Variants in RASSF9 observed in about 807,000 individuals in gnomAD.
The protein encoded by RASSF9 is ras association domain-containing protein 9.
RASSF9 carries 18 observed loss-of-function variants against 21.4 expected under a neutral mutation model. The observed-to-expected ratio is 0.84, with a 90% CI of 0.58 to 1.25. The LOEUF is 1.25. Ranked by LOEUF, RASSF9 falls within the 50% of genes most tolerant of loss-of-function variation. The pLI, the probability that RASSF9 is intolerant of heterozygous loss-of-function variation, is 0.00. For synonymous variants in RASSF9, 183 were observed against 179.1 expected (o/e 1.02, Z -0.18); for missense variants, 480 against 503.2 (o/e 0.95, Z 0.44).
intron 1 of RASSF9, among the ~76,000 whole-genome samples, chr12:85,832,729 T>C (rs955162778): frequency 6.6e-6 from 1 of 151,956 alleles, no homozygotes; most frequent in Admixed American, 6.6e-5. Context: ...CAAACATTTG[T>C]ATTCTTCATG....
At chr12:85,830,937 G>A (rs945345789) in intron 1 of RASSF9, among the ~76,000 whole-genome samples, 1 of 152,122 alleles carries the variant, frequency 6.6e-6, no homozygotes, top group Admixed American at 6.6e-5. Flanking sequence ...TTTTGCCAAT[G>A]TTGTGTTTGG....
rs550186341 is a variant in RASSF9, at chr12:85,836,308, T to G, written c.-107A>C. ...AGGGAGGAGGGCTGGAAGCTTTCTC[T>G]TCTCCTCGGATGTTCCTGGCTTTCA... On this transcript the variant is annotated 5_prime_UTR_variant, in exon 1 of 2. Coordinates refer to ENST00000361228, the MANE Select transcript of RASSF9 (RefSeq NM_005447.4). 5.9e-6 allele frequency: 9 copies of G among 1,534,748 alleles called. No individual in the cohort carries two copies. In the South Asian group the frequency reaches 8.4e-5, roughly 14 times the overall value.
chr12:85,803,190 A>G lies in RASSF9; in HGVS notation c.*1512T>C, dbSNP rs1366150269. On this transcript the variant is annotated 3_prime_UTR_variant, in exon 2 of 2. Transcript: ENST00000361228. Reference sequence around the variant, plus strand: ...TGCTTTAAAAAATTAAATACTTTTCAAATTTTGAAAGTAAAACAATAAGAA... The same window carrying G: ...TGCTTTAAAAAATTAAATACTTTTCGAATTTTGAAAGTAAAACAATAAGAA... 6.6e-6 allele frequency: 1 copy of G among 152,160 alleles called. No individual in the cohort carries two copies. The highest frequency in any genetic ancestry group is 1.5e-5 in the Non-Finnish European group (1 of 68,016). 9.4% of individuals were successfully genotyped at this position (152,160 alleles called of 1,614,324 possible). A position where few individuals can be genotyped will look rare whatever the true frequency, so the allele number is the denominator to read the frequency against.
At chr12:85,831,189 G>T (rs1161031492) in intron 1 of RASSF9, among the ~76,000 whole-genome samples, 1 of 151,956 alleles carries the variant, frequency 6.6e-6, no homozygotes, top group Non-Finnish European at 1.5e-5. Flanking sequence ...AAAGAATAGA[G>T]CCACATATTT....
rs2136546511 is a variant in RASSF9, at chr12:85,801,503, T to C, written c.*3199A>G. On this transcript the variant is annotated 3_prime_UTR_variant, in exon 2 of 2. Transcript: ENST00000361228. ...GAAAGAGTAAGGCTAACAAGACAGA[T>C]GATAAAGTAATTTAATAAGAATTCA... The C allele has an allele frequency of 6.6e-6, 1 of 152,114 alleles. No homozygotes were observed. The highest frequency in any genetic ancestry group is 1.9e-4 in the East Asian group (1 of 5,172). The allele number at this position is 152,114 out of a possible 1,614,324, so 9.4% of individuals were successfully genotyped here.
At chr12:85,833,017 C>T (rs1880483083) in intron 1 of RASSF9, among the ~76,000 whole-genome samples, 1 of 151,668 alleles carries the variant, frequency 6.6e-6, no homozygotes, top group East Asian at 1.9e-4. Flanking sequence ...ACTTTTTAGG[C>T]TTTATATTTA....
chr12:85,808,884 C>T (rs933167144), intron 1 of RASSF9, among the ~76,000 whole-genome samples: 8 of 151,916 alleles, frequency 5.3e-5, no homozygotes, highest in African/African-American at 1.9e-4. Flanking sequence ...TATGTTAAAA[C>T]TAAGGACAAA....
At chr12:85,820,968 AC>A (rs1420036120) in intron 1 of RASSF9, among the ~76,000 whole-genome samples, 1 of 152,008 alleles carries the variant, frequency 6.6e-6, no homozygotes, top group African/African-American at 2.4e-5. Context: ...ACATGGTGAA[AC>A]CCTGTCTCTA....
rs372301252 is a variant in RASSF9, at chr12:85,815,380, T to C, written c.48-9418A>G. Among the ~76,000 whole-genome samples, 152 of 152,264 alleles carry C rather than the reference T, an allele frequency of 1.0e-3. 2 individuals are homozygous for C. Among genetic ancestry groups the C allele is most frequent in the African/African-American group, 3.3e-3 (137 of 41,590 alleles). On this transcript the variant is annotated intron_variant, in intron 1 of 1. Transcript: ENST00000361228. Reference sequence around the variant, plus strand: ...CATGTGAATTGGTGACATGCATTATTCTAAACAAAAATATGGTTATTTGTG... The same window carrying C: ...CATGTGAATTGGTGACATGCATTATCCTAAACAAAAATATGGTTATTTGTG...
chr12:85,828,845 C>T (rs1400782341), intron 1 of RASSF9, among the ~76,000 whole-genome samples: 1 of 152,070 alleles, frequency 6.6e-6, no homozygotes, highest in Non-Finnish European at 1.5e-5. Flanking sequence ...AGTGTTTTTA[C>T]TAATCATGTA....
chr12:85,815,009 AGTT>A (rs1160154630), intron 1 of RASSF9, among the ~76,000 whole-genome samples: 3 of 152,030 alleles, frequency 2.0e-5, no homozygotes, highest in Admixed American at 1.3e-4. Context: ...CCCTCCTTGA[AGTT>A]GTTATTTCTG....
At chr12:85,819,166 T>C (rs1016734776) in intron 1 of RASSF9, among the ~76,000 whole-genome samples, 2 of 151,950 alleles carry the variant, frequency 1.3e-5, no homozygotes, top group Non-Finnish European at 2.9e-5. Flanking sequence ...GCATGTTTGA[T>C]TACTGGCTTT....
At position 85,805,547 on chromosome 12, in the gene RASSF9, C is replaced by G. The variant is rs369392392; in HGVS notation, c.463G>C (p.Asp155His). 2 of 1,613,700 alleles carry G rather than the reference C, an allele frequency of 1.2e-6. No individual in the cohort carries two copies. Among genetic ancestry groups the G allele is most frequent in the South Asian group, 1.1e-5 (1 of 91,062 alleles). ...PANYMKTLPP[D>H]KQKRIVRKTF... ...TTCCTGACTATTCTTTTTTGTTTAT[C>G]TGGTGGTAAAGTCTTCATGTAGTTT... The change falls in exon 2 of 2, where the codon GAT (aspartate) becomes CAT (histidine). Residue 155 changes from aspartate to histidine, a missense_variant. Asp to His is a moderately conservative substitution (Grantham distance 81). Transcript: ENST00000361228.
At chr12:85,833,516 A>C (rs1023343249) in intron 1 of RASSF9, among the ~76,000 whole-genome samples, 2 of 151,984 alleles carry the variant, frequency 1.3e-5, no homozygotes, top group African/African-American at 4.8e-5. Flanking sequence ...ATTTATTATA[A>C]GCACATTTAT....
At chr12:85,818,058 T>C (rs1411131553) in intron 1 of RASSF9, among the ~76,000 whole-genome samples, 1 of 152,198 alleles carries the variant, frequency 6.6e-6, no homozygotes, top group Non-Finnish European at 1.5e-5. Flanking sequence ...CTATTCAAAC[T>C]GTGCCTTAAC....
rs774418396 is a variant in RASSF9 at position 85,805,323 on chromosome 12, G to T, written c.687C>A (p.Asn229Lys). ...HLDRVENDGENYVQDAYLMPS... is the reference protein window; with the variant it reads ...HLDRVENDGEKYVQDAYLMPS... The stretch of plus-strand genomic sequence containing the variant: ...GCATTAAATATGCATCCTGAACATA[G>T]TTTTCTCCATCATTTTCTACTCGAT... Residue 229 changes from asparagine to lysine, a missense_variant, in exon 2 of 2, where the codon AAC becomes AAA. Transcript: ENST00000361228. The T allele has an allele frequency of 1.2e-6, 2 of 1,613,466 alleles. No individual in the cohort carries two copies. Among genetic ancestry groups the T allele is most frequent in the Admixed American group, 3.3e-5 (2 of 60,008 alleles).
chr12:85,817,352 T>G (rs1454886168), intron 1 of RASSF9, among the ~76,000 whole-genome samples: 1 of 152,100 alleles, frequency 6.6e-6, no homozygotes, highest in Non-Finnish European at 1.5e-5. Context: ...CACGAATCAG[T>G]TATTAGAGTG....
chr12:85,805,028 C>A lies in RASSF9; in HGVS notation c.982G>T (p.Ala328Ser), dbSNP rs767370219. 6.2e-7 allele frequency: 1 copy of A among 1,613,978 alleles called. No individual in the cohort carries two copies. Among genetic ancestry groups the A allele is most frequent in the South Asian group, 1.1e-5 (1 of 91,084 alleles). Residue 328 changes from alanine (A) to serine (S), a missense_variant, in exon 2 of 2, where the codon GCT becomes TCT. Physicochemically the swap from Ala to Ser is moderately conservative, Grantham distance 99 (BLOSUM62 1). Transcript: ENST00000361228. ...VKCDLEKSMK[A>S]GLKIHSHLSG... ...AAATGAGAGTGAATTTTCAAACCAG[C>A]TTTCATGCTTTTCTCCAAATCACAC...
intron 1 of RASSF9, among the ~76,000 whole-genome samples, chr12:85,818,945 C>T (rs1248765862): frequency 4.3e-5 from 5 of 116,106 alleles, no homozygotes; most frequent in East Asian, 2.4e-4. Flanking sequence ...GGCGAGAGAG[C>T]GAGACTCCGT....
Sources: gnomAD v4.1 joint callset for allele counts (sites outside exome capture counted in the v4.1 genomes callset) on GRCh38, gnomAD v4.1.1 for gene constraint, MANE v1.5 for transcripts, NCBI Gene and HGNC (gene_info 2026-07-23, HGNC 2026-07-21) for gene names.